FNDC7: variants seen among roughly 807,000 people sequenced by gnomAD.
The protein encoded by FNDC7 is fibronectin type III domain containing 7, also known as fibronectin type III domain-containing protein 7.
A neutral mutation model predicts 74.2 loss-of-function variants in FNDC7; 66 were observed. That is an observed-to-expected ratio of 0.89 (90% CI 0.73 to 1.09). The LOEUF (loss-of-function observed/expected upper bound fraction) is 1.09, where lower values mean the gene tolerates loss of function less well. FNDC7 is among the 50% of genes least tolerant of loss of function. FNDC7 has a pLI of 0.00. For missense variants in FNDC7, 829 were observed against 893.4 expected (o/e 0.93, Z 0.92); for synonymous variants, 307 against 330.2 (o/e 0.93, Z 0.76).
chr1:108,723,703 G>A (rs533941727), intron 5 of FNDC7, among the ~76,000 whole-genome samples: 2 of 152,210 alleles, frequency 1.3e-5, no homozygotes, highest in African/African-American at 2.4e-5. Flanking sequence ...TCTGAGTTAC[G>A]CAGTTAGGCA....
At chr1:108,728,506 G>T (rs1225214648) in intron 7 of FNDC7, 126 bp from the exon 8 acceptor site, 1 of 1,058,974 alleles carries the variant, frequency 9.4e-7, no homozygotes, top group African/African-American at 1.6e-5. Flanking sequence ...TATGAATTTG[G>T]CCCGCATGCA....
chr1:108,728,951 T>A, intron 8 of FNDC7, 65 bp downstream of exon 8: 1 of 1,566,850 alleles, frequency 6.4e-7, no homozygotes, highest in Non-Finnish European at 8.7e-7. Flanking sequence ...TTTCAAGACA[T>A]GAACTTCCTT....
chr1:108,737,440 T>G, intron 10 of FNDC7, 55 bp from the exon 11 acceptor site: 1 of 1,447,582 alleles, frequency 6.9e-7, no homozygotes, highest in Non-Finnish European at 9.5e-7. Context: ...ATCTTCACTA[T>G]CTTAAATACA....
intron 4 of FNDC7, among the ~76,000 whole-genome samples, chr1:108,719,819 C>G (rs1212836601): frequency 6.6e-6 from 1 of 151,894 alleles, no homozygotes. Flanking sequence ...CAGAGTAAGC[C>G]ATCCACTGGC....
intron 11 of FNDC7, 77 bp downstream of exon 11, chr1:108,737,601 T>G: frequency 8.5e-7 from 1 of 1,170,326 alleles, no homozygotes; most frequent in Non-Finnish European, 1.2e-6. Flanking sequence ...GTCAGCTGAC[T>G]TTTCAATTAG....
chr1:108,738,166 G>A (rs1290999636), intron 11 of FNDC7, among the ~76,000 whole-genome samples: 1 of 152,194 alleles, frequency 6.6e-6, no homozygotes, highest in Non-Finnish European at 1.5e-5. Context: ...GAGTAGCCAG[G>A]AGTTAGAGAG....
Position 108,733,544 on chromosome 1 carries a change from T to TA in FNDC7, c.2140+13dup. On this transcript the variant is annotated intron_variant, in intron 10 of 12. Transcript: ENST00000370017. ...AAAAATATATTCAGGTAAAGCAAGT[T>TA]ATGACAGTTTATCTAAAACTAACCC... 1 of 1,609,026 alleles carries TA rather than the reference T, an allele frequency of 6.2e-7. No homozygotes were observed. The highest frequency in any genetic ancestry group is 8.5e-7 in the Non-Finnish European group (1 of 1,175,872).
chr1:108,737,053 C>G (rs529319535), intron 10 of FNDC7, among the ~76,000 whole-genome samples: 2 of 147,088 alleles, frequency 1.4e-5, no homozygotes, highest in African/African-American at 5.0e-5. Context: ...CTGCAAACTC[C>G]GCTCCCCAGG....
chr1:108,728,923 TG>T, intron 8 of FNDC7, 37 bp downstream of exon 8: 1 of 1,604,460 alleles, frequency 6.2e-7, no homozygotes, highest in Non-Finnish European at 8.5e-7. Context: ...TTGACTTCAG[TG>T]GGGTCCTTAT....
Position 108,730,832 on chromosome 1 carries a change from G to T in FNDC7, c.1783G>T (p.Gly595Ter). The change falls in exon 9 of 13, where the codon GGA becomes TGA. Residue 595 changes from glycine to a stop codon, truncating the protein, a stop_gained. Coordinates refer to ENST00000370017, the MANE Select transcript of FNDC7 (RefSeq NM_001144937.3). LOFTEE classifies it high-confidence loss of function. ...CACTCATCAAAACCACTGCCTCCTA[G>T]GATGCATCACATGTGGCATCAATTA... ...CHTHQNHCLL[G>*]CITCGINYTV... The T allele has an allele frequency of 6.2e-7, 1 of 1,613,906 alleles. No homozygotes were observed. The highest frequency in any genetic ancestry group is 8.5e-7 in the Non-Finnish European group (1 of 1,179,914).
In FNDC7 at chr1:108,718,809, G is replaced by C; in HGVS notation, c.358G>C (p.Glu120Gln). 6.4e-7 allele frequency: 1 copy of C among 1,551,788 alleles called. No individual in the cohort carries two copies. The highest frequency in any genetic ancestry group is 1.7e-4 in the Middle Eastern group (1 of 5,992). The change falls in exon 4 of 13, where the codon GAA (glutamate) becomes CAA (glutamine). Residue 120 changes from glutamate to glutamine, a missense_variant. Transcript: ENST00000370017. ...AKTVLAAPIL[E>Q]VSSPSSDSIL... ...TTTAGTGTTGGCTGCACCAATTCTA[G>C]AAGTAAGCTCTCCAAGTTCAGACTC...
intron 5 of FNDC7, 152 bp downstream of exon 5, chr1:108,722,744 T>G: frequency 1.1e-6 from 1 of 933,036 alleles, no homozygotes; most frequent in Non-Finnish European, 1.5e-6. Context: ...CTCATGAGTT[T>G]GAATAATATT....
chr1:108,727,509 G>T (rs1349774531), intron 6 of FNDC7, among the ~76,000 whole-genome samples: 1 of 152,150 alleles, frequency 6.6e-6, no homozygotes, highest in African/African-American at 2.4e-5. Context: ...AATCTTCTCT[G>T]CATAGAGAAC....
At chr1:108,739,362 T>C (rs1661586741) in intron 11 of FNDC7, among the ~76,000 whole-genome samples, 1 of 152,096 alleles carries the variant, frequency 6.6e-6, no homozygotes, top group African/African-American at 2.4e-5. Flanking sequence ...CCAGGCATGG[T>C]GGCATGTGCC....
At chr1:108,739,676 C>T (rs1661592804) in intron 11 of FNDC7, among the ~76,000 whole-genome samples, 1 of 152,174 alleles carries the variant, frequency 6.6e-6, no homozygotes, top group African/African-American at 2.4e-5. Flanking sequence ...TGCAGAGGCC[C>T]AGGTCCTGGC....
intron 10 of FNDC7, among the ~76,000 whole-genome samples, chr1:108,737,028 C>G (rs374535063): frequency 7.7e-6 from 1 of 129,982 alleles, no homozygotes; most frequent in Non-Finnish European, 1.6e-5. Context: ...AGTGCAATGG[C>G]GCAATCTCAG....
chr1:108,731,469 C>T (rs1377764809), intron 9 of FNDC7, among the ~76,000 whole-genome samples: 2 of 152,222 alleles, frequency 1.3e-5, no homozygotes, highest in Admixed American at 1.3e-4. Context: ...TACCAAATCT[C>T]TTGCATGATT....
At chr1:108,731,561 C>A (rs925605459) in intron 9 of FNDC7, among the ~76,000 whole-genome samples, 8 of 152,104 alleles carry the variant, frequency 5.3e-5, no homozygotes, top group Non-Finnish European at 1.2e-4. Context: ...AGAAAAAGTA[C>A]AATGATAAGT....
intron 11 of FNDC7, among the ~76,000 whole-genome samples, chr1:108,739,326 G>T (rs1295731024): frequency 6.6e-6 from 1 of 152,052 alleles, no homozygotes; most frequent in East Asian, 1.9e-4. Context: ...ACGAGACCTT[G>T]TCTCTACAAA....
Sources: gnomAD v4.1 joint callset for allele counts (sites outside exome capture counted in the v4.1 genomes callset) on GRCh38, gnomAD v4.1.1 for gene constraint, MANE v1.5 for transcripts, NCBI Gene and HGNC (gene_info 2026-07-23, HGNC 2026-07-21) for gene names.